The following MALRD1 variants were observed in gnomAD, a reference collection of about 807,000 sequenced individuals.
The protein encoded by MALRD1 is MAM and LDL-receptor class A domain-containing protein 1.
Under a neutral mutation model 242.1 loss-of-function variants are expected in MALRD1, and 247 were observed. That is an observed-to-expected ratio of 1.02 (90% CI 0.92 to 1.13). The LOEUF (loss-of-function observed/expected upper bound fraction) is 1.13, where lower values mean the gene tolerates loss of function less well. MALRD1 is among the 50% of genes most tolerant of loss of function. The pLI is 0.00. For missense variants in MALRD1, 2,989 were observed against 2,533.1 expected (o/e 1.18, Z -3.86); for synonymous variants, 995 against 866.6 (o/e 1.15, Z -2.60).
At chr10:19,726,248 TAAG>T (rs1835019360) in intron 38 of MALRD1, among the ~76,000 whole-genome samples, 1 of 152,018 alleles carries the variant, frequency 6.6e-6, no homozygotes, top group African/African-American at 2.4e-5. Context: ...CCATACAACT[TAAG>T]AACAAAAAGA....
chr10:19,402,641 A>G (rs1846918803), intron 28 of MALRD1, among the ~76,000 whole-genome samples: 1 of 152,182 alleles, frequency 6.6e-6, no homozygotes, highest in African/African-American at 2.4e-5. Flanking sequence ...TATCTCCAAA[A>G]AAATGAATAA....
At position 19,647,477 on chromosome 10, in the gene MALRD1, A is replaced by G. The variant is rs1412862228; in HGVS notation, c.6137+31554A>G. ...GGGCTGCACTTGAAGAGGAATAGGA[A>G]TAGATGAGTAAAGTGACCAGTGATT... On this transcript the variant is annotated intron_variant, in intron 36 of 39. Transcript: ENST00000454679. Among the ~76,000 whole-genome samples, 3 of 152,284 alleles carry G rather than the reference A, an allele frequency of 2.0e-5. No individual in the cohort carries two copies. In the East Asian group the frequency reaches 5.8e-4, roughly 30 times the overall value.
intron 17 of MALRD1, among the ~76,000 whole-genome samples, chr10:19,207,615 C>G (rs1004358999): frequency 2.6e-5 from 4 of 152,154 alleles, no homozygotes; most frequent in Non-Finnish European, 4.4e-5. Flanking sequence ...ATTCTCCTGC[C>G]TCAGCCTCCT....
At chr10:19,571,365 T>TGAAC (rs1370747346) in intron 33 of MALRD1, among the ~76,000 whole-genome samples, 1 of 151,954 alleles carries the variant, frequency 6.6e-6, no homozygotes, top group African/African-American at 2.4e-5. Flanking sequence ...AATTTTTAGA[T>TGAAC]GTTCAAGAAG....
chr10:19,243,149 A>C (rs1350323439), intron 18 of MALRD1, among the ~76,000 whole-genome samples: 5 of 151,628 alleles, frequency 3.3e-5, no homozygotes, highest in African/African-American at 1.2e-4. Context: ...TTTGTAACAG[A>C]CTATTTTAAA....
chr10:19,687,981 A>ATGTTATGTTG (rs1842662056), intron 36 of MALRD1, among the ~76,000 whole-genome samples: 1 of 143,556 alleles, frequency 7.0e-6, no homozygotes, highest in African/African-American at 2.6e-5. Flanking sequence ...ATGTTATGTT[A>ATGTTATGTTG]TTTTTGGAGA....
chr10:19,140,587 T>A (rs1228783932), intron 10 of MALRD1, among the ~76,000 whole-genome samples: 1 of 139,222 alleles, frequency 7.2e-6, no homozygotes, highest in African/African-American at 2.5e-5. Flanking sequence ...AATGTATATG[T>A]GTTCACAATG....
intron 38 of MALRD1, among the ~76,000 whole-genome samples, chr10:19,715,117 C>G (rs1269420848): frequency 6.6e-6 from 1 of 151,950 alleles, no homozygotes; most frequent in African/African-American, 2.4e-5. Flanking sequence ...CCTATACTGA[C>G]CATTCTTAAA....
upstream of MALRD1, among the ~76,000 whole-genome samples, chr10:19,047,355 GGTGTGTGTGT>G (rs3042212): frequency 0.23 from 34,962 of 148,804 alleles, 4,309 homozygotes; most frequent in South Asian, 0.33. Flanking sequence ...GTGTTAATTA[GGTGTGTGTGT>G]GTGTGTGTGT....
At chr10:19,318,876 A>G (rs1399091428) in intron 21 of MALRD1, among the ~76,000 whole-genome samples, 1 of 152,042 alleles carries the variant, frequency 6.6e-6, no homozygotes. Context: ...TCCCTAAGTA[A>G]AGCAATAAAT....
intron 33 of MALRD1, among the ~76,000 whole-genome samples, chr10:19,584,188 T>C (rs371641621): frequency 6.6e-5 from 10 of 151,982 alleles, no homozygotes; most frequent in Non-Finnish European, 8.8e-5. Context: ...CCTGGATTCA[T>C]TGATTTTTTG....
intron 29 of MALRD1, among the ~76,000 whole-genome samples, chr10:19,474,863 G>A (rs759948382): frequency 2.6e-5 from 4 of 151,816 alleles, no homozygotes; most frequent in South Asian, 2.1e-4. Context: ...GGTGTAACAG[G>A]GCAGGAAATT....
chr10:19,248,031 G>A (rs1242727291), intron 18 of MALRD1, among the ~76,000 whole-genome samples: 1 of 151,944 alleles, frequency 6.6e-6, no homozygotes, highest in African/African-American at 2.4e-5. Context: ...ATTTGAGCAT[G>A]GTGTGCTAAG....
chr10:19,134,708 T>C (rs569574872), intron 9 of MALRD1, among the ~76,000 whole-genome samples: 4 of 152,360 alleles, frequency 2.6e-5, no homozygotes, highest in African/African-American at 9.6e-5. Flanking sequence ...TATCTGTTTT[T>C]ATAACTTCTC....
chr10:19,371,240 C>T (rs77994158), intron 26 of MALRD1, among the ~76,000 whole-genome samples: 1 of 151,928 alleles, frequency 6.6e-6, no homozygotes, highest in African/African-American at 2.4e-5. Context: ...CCCAGTGAGA[C>T]CCTGTCTCTT....
rs550646379 is a variant in MALRD1 at position 19,645,857 on chromosome 10, A to G, written c.6137+29934A>G. Among the ~76,000 whole-genome samples the G allele has an allele frequency of 2.6e-5, 4 of 152,300 alleles. No individual in the cohort carries two copies. The South Asian group carries it at 8.3e-4, about 32-fold the overall frequency. ...ACAAACCTGCACGTTGTGCACATGT[A>G]CCCTAAAACTTAAAGTATAATAATA... is the stretch of plus-strand genomic sequence containing the variant. On this transcript the variant is annotated intron_variant, in intron 36 of 39. Coordinates refer to ENST00000454679, the MANE Select transcript of MALRD1 (RefSeq NM_001142308.3).
rs1018254031 is a variant in MALRD1, at chr10:19,450,459, T to C, written c.4998T>C (p.Ile1666=). 74 of 1,549,696 alleles carry C rather than the reference T, an allele frequency of 4.8e-5. No individual in the cohort carries two copies. The highest frequency in any genetic ancestry group is 5.8e-5 in the Non-Finnish European group (67 of 1,146,750). ...RTRDLGGGAA[I]DDIEFKNCTT... ...GGGACCTGGGAGGAGGAGCTGCAAT[T>C]GATGATATTGAATTTAAAAACTGCA... is the stretch of plus-strand genomic sequence containing the variant. The change falls in exon 29 of 40, where the codon ATT becomes ATC. Residue 1666 remains isoleucine (I), a synonymous_variant. Transcript: ENST00000454679.
At chr10:19,205,346 C>T in intron 17 of MALRD1, 81 bp downstream of exon 17, 1 of 1,428,808 alleles carries the variant, frequency 7.0e-7, no homozygotes, top group Non-Finnish European at 9.2e-7. Flanking sequence ...TCTTGCCAAT[C>T]AAACCGATAA....
chr10:19,420,002 C>A (rs534800340), intron 28 of MALRD1, among the ~76,000 whole-genome samples: 1 of 152,236 alleles, frequency 6.6e-6, no homozygotes, highest in Non-Finnish European at 1.5e-5. Context: ...ATAAATGGCA[C>A]TGGAATATAA....
Sources: allele counts gnomAD v4.1 joint callset (sites outside exome capture counted in the v4.1 genomes callset), GRCh38; gene constraint gnomAD v4.1.1; transcripts MANE v1.5; gene names NCBI Gene and HGNC (gene_info 2026-07-23, HGNC 2026-07-21).